Variants in PRKRA observed in about 807,000 individuals in gnomAD.
PRKRA encodes interferon-inducible double-stranded RNA-dependent protein kinase activator A.
In PRKRA, 22 loss-of-function variants were observed where a neutral mutation model predicts 32.4. That is an observed-to-expected ratio of 0.68 (90% CI 0.49 to 0.97). The LOEUF (loss-of-function observed/expected upper bound fraction) is 0.97. Among genes scored for constraint, PRKRA ranks in the 50% least tolerant of loss-of-function variants. The probability of loss-of-function intolerance (pLI) is 0.00; values close to 1 mark genes in which losing one functional copy is unlikely to be tolerated. For missense variants in PRKRA, 319 were observed against 375.6 expected (o/e 0.85, Z 1.25); for synonymous variants, 139 against 129.8 (o/e 1.07, Z -0.48).
At chr2:178,435,602 A>G (rs903535212) in intron 7 of PRKRA, among the ~76,000 whole-genome samples, 8 of 152,192 alleles carry the variant, frequency 5.3e-5, no homozygotes, top group Non-Finnish European at 8.8e-5. Context: ...GAATCAGCAT[A>G]CAGTGACAAA....
intron 4 of PRKRA, 142 bp from the exon 5 acceptor site, chr2:178,443,526 C>G: frequency 1.6e-6 from 1 of 643,562 alleles, no homozygotes; most frequent in Non-Finnish European, 2.7e-6. Flanking sequence ...AGGGAAGACC[C>G]TCTATTTCTC....
rs2154125142 is a variant in PRKRA at position 178,443,252 on chromosome 2, GTAAGAAATAA to G, written c.514+5_514+14del. The stretch of plus-strand genomic sequence containing the variant: ...GAAAATATTTCAAATGCCTTTAATT[GTAAGAAATAA>G]GTACCAGTTTCCATAAATGACTCTA... On this transcript the variant is annotated splice_donor_5th_base_variant and intron_variant, in intron 5 of 7. Coordinates refer to ENST00000325748, the MANE Select transcript of PRKRA (RefSeq NM_003690.5). The G allele has an allele frequency of 2.8e-6, 2 of 720,760 alleles. No homozygotes were observed. The highest frequency in any genetic ancestry group is 1.1e-4 in the East Asian group (2 of 18,278). 44.6% of individuals were successfully genotyped at this position (720,760 alleles called of 1,614,324 possible). A position where few individuals can be genotyped will look rare whatever the true frequency, so the allele number is the denominator to read the frequency against.
At chr2:178,437,714 T>C (rs1179046326) in intron 6 of PRKRA, among the ~76,000 whole-genome samples, 2 of 152,256 alleles carry the variant, frequency 1.3e-5, no homozygotes, top group African/African-American at 4.8e-5. Context: ...ATACCCTCAC[T>C]AATACCAGCT....
intron 3 of PRKRA, 108 bp downstream of exon 3, chr2:178,447,397 G>A (rs1697361891): frequency 7.1e-7 from 1 of 1,401,770 alleles, no homozygotes; most frequent in Non-Finnish European, 9.5e-7. Flanking sequence ...TGAGAGGTAG[G>A]ATGCTAACAA....
intron 2 of PRKRA, 109 bp from the exon 3 acceptor site, chr2:178,447,695 A>G (rs959898481): frequency 4.1e-6 from 4 of 984,636 alleles, no homozygotes; most frequent in Non-Finnish European, 5.7e-6. Flanking sequence ...ACATACACAT[A>G]CTAGGTAATA....
intron 6 of PRKRA, among the ~76,000 whole-genome samples, chr2:178,437,590 T>C (rs1696950907): frequency 6.6e-6 from 1 of 152,226 alleles, no homozygotes; most frequent in Non-Finnish European, 1.5e-5. Context: ...TTTCTAGAAG[T>C]GGAACTGCTA....
At chr2:178,450,189 C>T in intron 2 of PRKRA, 53 bp downstream of exon 2, 1 of 1,303,910 alleles carries the variant, frequency 7.7e-7, no homozygotes, top group East Asian at 4.3e-5. Context: ...AAAGCAACAC[C>T]AAGTATTGAC....
chr2:178,443,386 T>TAATGAACCA lies in PRKRA; in HGVS notation c.397-3_397-2insTGGTTCATT. The stretch of plus-strand genomic sequence containing the variant: ...CCAGCCATGATGAATAGCCAATTCC[T>TAATGAACCA]ATAAAATCAAGATGAGGCTTTAATA... On this transcript the variant is annotated splice_region_variant and splice_polypyrimidine_tract_variant and intron_variant, in intron 4 of 7. Coordinates refer to ENST00000325748, the MANE Select transcript of PRKRA (RefSeq NM_003690.5). 6.3e-7 allele frequency: 1 copy of TAATGAACCA among 1,580,836 alleles called. No homozygotes were observed. Among genetic ancestry groups the TAATGAACCA allele is most frequent in the Non-Finnish European group, 8.7e-7 (1 of 1,149,992 alleles).
intron 7 of PRKRA, among the ~76,000 whole-genome samples, chr2:178,433,155 T>C (rs1319074788): frequency 1.3e-5 from 2 of 152,248 alleles, no homozygotes; most frequent in East Asian, 3.8e-4. Context: ...CAGCTTCTGC[T>C]TGAGGCTCAT....
In PRKRA at chr2:178,431,767, C is replaced by T. The variant is rs552380814; in HGVS notation, c.*330G>A. 22 of 366,428 alleles carry T rather than the reference C, an allele frequency of 6.0e-5. No individual in the cohort carries two copies. The highest frequency in any genetic ancestry group is 2.4e-4 in the Admixed American group (6 of 25,244). The allele number at this position is 366,428 out of a possible 1,614,324, so 22.7% of individuals were successfully genotyped here. ...CTTTGTGCAAAGAAGAGCTTAAGCA[C>T]CAGTAAGAAAGACTGTCGCTAGCAT... On this transcript the variant is annotated 3_prime_UTR_variant, in exon 8 of 8. Coordinates refer to ENST00000325748, the MANE Select transcript of PRKRA (RefSeq NM_003690.5).
chr2:178,443,612 T>G (rs1013462755), intron 4 of PRKRA: 17 of 440,352 alleles, frequency 3.9e-5, no homozygotes, highest in Non-Finnish European at 6.3e-5. Context: ...AATGGTGTTC[T>G]TGCATTAAAC....
chr2:178,450,973 T>A lies in PRKRA; in HGVS notation c.58A>T (p.Thr20Ser). ...APPLEREDSG[T>S]FSLGKMITAK... ...GACTGCCCGCACGCTGACCTGAAGG[T>A]CCCACTGTCCTCGCGCTCCAGCGGC... Residue 20 changes from threonine (T) to serine (S), a missense_variant, in exon 1 of 8, where the codon ACC (threonine) becomes TCC (serine). By Grantham distance (58) the Thr-to-Ser change is moderately conservative. Transcript: ENST00000325748. The A allele has an allele frequency of 6.4e-7, 1 of 1,561,508 alleles. No homozygotes were observed. The highest frequency in any genetic ancestry group is 8.6e-7 in the Non-Finnish European group (1 of 1,159,224).
At chr2:178,432,380 G>A (rs191949456) in intron 7 of PRKRA, 126 bp from the exon 8 acceptor site, 105 of 1,258,856 alleles carry the variant, frequency 8.3e-5, no homozygotes, top group Admixed American at 7.4e-4. Context: ...TACACCACTC[G>A]CAATCTTTGT....
At chr2:178,447,900 A>G (rs1296477011) in intron 2 of PRKRA, among the ~76,000 whole-genome samples, 1 of 152,248 alleles carries the variant, frequency 6.6e-6, no homozygotes, top group South Asian at 2.1e-4. Context: ...ACATGGTAAT[A>G]AAGTAGACCG....
Position 178,444,299 on chromosome 2 carries a change from G to GT in PRKRA, c.396+122dup, listed in dbSNP as rs571781202. 702 of 833,136 alleles carry GT rather than the reference G, an allele frequency of 8.4e-4. 1 individual carries two copies. Among genetic ancestry groups the GT allele is most frequent in the Non-Finnish European group, 1.2e-3 (620 of 514,804 alleles). The allele number at this position is 833,136 out of a possible 1,614,324, so 51.6% of individuals were successfully genotyped here. ...AGTTAGCTCTGTTAATCTAATGATC[G>GT]TAAGTTGGAAAACAAAATATATCAC... On this transcript the variant is annotated intron_variant, in intron 4 of 7. Transcript: ENST00000325748.
At position 178,431,840 on chromosome 2, in the gene PRKRA, G is replaced by A; in HGVS notation, c.*257C>T. The A allele has an allele frequency of 3.8e-6, 2 of 520,834 alleles. No individual in the cohort carries two copies. Among genetic ancestry groups the A allele is most frequent in the Middle Eastern group, 5.4e-4 (1 of 1,848 alleles). 32.3% of individuals were successfully genotyped at this position (520,834 alleles called of 1,614,324 possible). A position where few individuals can be genotyped will look rare whatever the true frequency, so the allele number is the denominator to read the frequency against. On this transcript the variant is annotated 3_prime_UTR_variant, in exon 8 of 8. Coordinates refer to ENST00000325748, the MANE Select transcript of PRKRA (RefSeq NM_003690.5). ...AACATGCAGTTTCTTTCTCTGATGT[G>A]CATGGCACTGTAAAATGGGTGCTAC... is the stretch of plus-strand genomic sequence containing the variant.
In PRKRA at chr2:178,447,803, T is replaced by A. The variant is rs1047185213; in HGVS notation, c.236-217A>T. 3.9e-5 allele frequency among the ~76,000 whole-genome samples: 6 copies of A among 152,220 alleles called. No homozygotes were observed. The South Asian group carries it at 8.3e-4, about 21-fold the overall frequency. On this transcript the variant is annotated intron_variant, in intron 2 of 7. Transcript: ENST00000325748. Reference sequence around the variant, plus strand: ...AAATATTCACCATGTGAAAAAATTTTAAAAAATAACTTTTTAAAGTTCTAT... The same window carrying A: ...AAATATTCACCATGTGAAAAAATTTAAAAAAATAACTTTTTAAAGTTCTAT...
intron 6 of PRKRA, chr2:178,439,444 A>C (rs1453947330): frequency 6.6e-6 from 1 of 152,178 alleles, no homozygotes; most frequent in Non-Finnish European, 1.5e-5. Context: ...TGGAAAAGTT[A>C]TTGATTTTGT....
chr2:178,436,908 C>G (rs1424977484), intron 6 of PRKRA, among the ~76,000 whole-genome samples: 1 of 151,890 alleles, frequency 6.6e-6, no homozygotes, highest in Non-Finnish European at 1.5e-5. Context: ...TTTCCTTTTT[C>G]TTTCTGCTTT....
Sources: gnomAD v4.1 joint callset for allele counts (sites outside exome capture counted in the v4.1 genomes callset) on GRCh38, gnomAD v4.1.1 for gene constraint, MANE v1.5 for transcripts, NCBI Gene and HGNC (gene_info 2026-07-23, HGNC 2026-07-21) for gene names.